PRKN: variants seen among roughly 807,000 people sequenced by gnomAD.
PRKN encodes parkin RBR E3 ubiquitin protein ligase.
In PRKN, 56 loss-of-function variants were observed where a neutral mutation model predicts 59.5. The observed-to-expected ratio is 0.94, with a 90% CI of 0.76 to 1.18. PRKN has a LOEUF of 1.18. Ranked by LOEUF, PRKN falls within the 50% of genes most tolerant of loss-of-function variation. The pLI, the probability that PRKN is intolerant of heterozygous loss-of-function variation, is 0.00. For missense variants in PRKN, 657 were observed against 596.4 expected (o/e 1.10, Z -1.06); for synonymous variants, 250 against 222.1 (o/e 1.13, Z -1.12).
intron 6 of PRKN, among the ~76,000 whole-genome samples, chr6:161,799,452 C>T (rs146512832): frequency 6.6e-6 from 1 of 152,210 alleles, no homozygotes; most frequent in Admixed American, 6.5e-5. Context: ...CATCTCCCCC[C>T]ATCTGCCAGA....
intron 7 of PRKN, among the ~76,000 whole-genome samples, chr6:161,698,102 AT>A (rs1357909109): frequency 6.6e-6 from 1 of 152,170 alleles, no homozygotes; most frequent in Non-Finnish European, 1.5e-5. Context: ...ATTAAATTAA[AT>A]TGTGATTAGA....
At chr6:162,451,876 C>G (rs954988427) in intron 1 of PRKN, among the ~76,000 whole-genome samples, 1 of 152,022 alleles carries the variant, frequency 6.6e-6, no homozygotes, top group Non-Finnish European at 1.5e-5. Flanking sequence ...TTTACATATT[C>G]AAGATGTTCA....
intron 3 of PRKN, among the ~76,000 whole-genome samples, chr6:162,256,513 G>T (rs1328189007): frequency 6.6e-6 from 1 of 151,910 alleles, no homozygotes; most frequent in African/African-American, 2.4e-5. Context: ...CTGCATTTTT[G>T]GCAGACTCTG....
intron 1 of PRKN, among the ~76,000 whole-genome samples, chr6:162,679,302 C>G (rs1244772978): frequency 1.3e-5 from 2 of 151,790 alleles, no homozygotes; most frequent in African/African-American, 4.8e-5. Context: ...TGGGATTTCA[C>G]CATATTGGCC....
At chr6:162,281,351 C>T (rs1428037888) in intron 2 of PRKN, among the ~76,000 whole-genome samples, 1 of 151,776 alleles carries the variant, frequency 6.6e-6, no homozygotes, top group African/African-American at 2.4e-5. Flanking sequence ...ACCACCATGG[C>T]ACATGTTTAC....
chr6:161,652,913 C>T (rs780528501), intron 7 of PRKN, among the ~76,000 whole-genome samples: 7 of 152,206 alleles, frequency 4.6e-5, no homozygotes, highest in Admixed American at 2.6e-4. Context: ...GTTTTTCAAA[C>T]TGACGAAAAG....
intron 1 of PRKN, among the ~76,000 whole-genome samples, chr6:162,557,801 T>C (rs62430880): frequency 0.016 from 2,381 of 152,244 alleles, 26 homozygotes; most frequent in South Asian, 0.033. Context: ...TGAGCCACTA[T>C]GCTCGGCGGA....
chr6:161,367,648 G>A (rs1785262990), intron 10 of PRKN, among the ~76,000 whole-genome samples: 1 of 152,162 alleles, frequency 6.6e-6, no homozygotes. Flanking sequence ...CCATTAATCT[G>A]ATGACTCAGA....
chr6:161,493,595 G>A (rs962273506), intron 9 of PRKN, among the ~76,000 whole-genome samples: 5 of 152,198 alleles, frequency 3.3e-5, no homozygotes, highest in Admixed American at 6.5e-5. Flanking sequence ...GCCTGAATAT[G>A]TGGCAATGAA....
chr6:162,200,230 C>T (rs9355387), intron 4 of PRKN, among the ~76,000 whole-genome samples: 12,038 of 152,210 alleles, frequency 0.079, 737 homozygotes, highest in Admixed American at 0.2. Flanking sequence ...TGGACACGCT[C>T]GGCCTGCATG....
intron 6 of PRKN, among the ~76,000 whole-genome samples, chr6:161,821,071 T>G (rs1434860782): frequency 6.6e-6 from 1 of 152,118 alleles, no homozygotes; most frequent in African/African-American, 2.4e-5. Flanking sequence ...TTCATAGCAG[T>G]GAATGACTAT....
At chr6:161,705,790 T>G (rs1232599615) in intron 7 of PRKN, among the ~76,000 whole-genome samples, 1 of 152,188 alleles carries the variant, frequency 6.6e-6, no homozygotes. Flanking sequence ...ACCTTGCTTC[T>G]TTGTCCATTC....
intron 4 of PRKN, among the ~76,000 whole-genome samples, chr6:162,191,694 C>T (rs575135668): frequency 1.3e-5 from 2 of 152,292 alleles, no homozygotes; most frequent in South Asian, 2.1e-4. Flanking sequence ...CCACCGACCT[C>T]GGCCTCCCAA....
At chr6:162,090,874 T>G (rs1394822376) in intron 4 of PRKN, among the ~76,000 whole-genome samples, 2 of 152,170 alleles carry the variant, frequency 1.3e-5, no homozygotes, top group African/African-American at 4.8e-5. Context: ...ATAGTGAACA[T>G]GAAGAGACAG....
intron 6 of PRKN, among the ~76,000 whole-genome samples, chr6:161,885,316 G>A (rs1406170344): frequency 4.6e-5 from 7 of 152,088 alleles, no homozygotes; most frequent in Non-Finnish European, 8.8e-5. Flanking sequence ...TTCTATCTGG[G>A]TTCACAGAGC....
chr6:162,456,022 C>A (rs998120761), intron 1 of PRKN, among the ~76,000 whole-genome samples: 12 of 151,958 alleles, frequency 7.9e-5, no homozygotes. Context: ...TTATTTTCAA[C>A]AAAATTAAAG....
intron 5 of PRKN, among the ~76,000 whole-genome samples, chr6:162,021,426 G>A (rs1302707037): frequency 4.8e-5 from 6 of 124,922 alleles, no homozygotes; most frequent in African/African-American, 1.8e-4. Flanking sequence ...TTGATGTCCC[G>A]GCATTACAGG....
At position 161,397,949 on chromosome 6, in the gene PRKN, G is replaced by A. The variant is rs1333473265; in HGVS notation, c.1084-11072C>T. On this transcript the variant is annotated intron_variant, in intron 9 of 11. Coordinates refer to ENST00000366898, the MANE Select transcript of PRKN (RefSeq NM_004562.3). The surrounding 1 kb of genome is among the most constrained non-coding windows in gnomAD (Gnocchi z 4.2). ...GGTGGAAAAGGCTTCACAACAGAGA[G>A]CTCTGAATCAGTTTGAAAACAGCAA... 6.6e-6 allele frequency among the ~76,000 whole-genome samples: 1 copy of A among 152,162 alleles called. No individual in the cohort carries two copies. Among genetic ancestry groups the A allele is most frequent in the Non-Finnish European group, 1.5e-5 (1 of 68,038 alleles).
chr6:162,651,000 G>T (rs1187270517), intron 1 of PRKN, among the ~76,000 whole-genome samples: 2 of 152,162 alleles, frequency 1.3e-5, no homozygotes, highest in African/African-American at 4.8e-5. Flanking sequence ...AAGATCTAAG[G>T]AGAGGAAAGA....
Sources: gnomAD v4.1 joint callset for allele counts (sites outside exome capture counted in the v4.1 genomes callset) on GRCh38, gnomAD v4.1.1 for gene constraint, Gnocchi (gnomAD v3.1) non-coding constraint, MANE v1.5 for transcripts, NCBI Gene and HGNC (gene_info 2026-07-23, HGNC 2026-07-21) for gene names.